RNF217: variants seen among roughly 807,000 people sequenced by gnomAD.
RNF217 encodes the protein E3 ubiquitin-protein ligase RNF217.
Under a neutral mutation model 57.8 loss-of-function variants are expected in RNF217, and 31 were observed. That is an observed-to-expected ratio of 0.54 (90% CI 0.40 to 0.72). The LOEUF (loss-of-function observed/expected upper bound fraction) is 0.72. Among genes scored for constraint, RNF217 ranks in the 30% least tolerant of loss-of-function variants. The pLI is 0.00. For synonymous variants in RNF217, 313 were observed against 294.0 expected (o/e 1.06, Z -0.66); for missense variants, 696 against 708.3 (o/e 0.98, Z 0.20).
intron 1 of RNF217, among the ~76,000 whole-genome samples, chr6:124,981,774 T>A (rs1784171261): frequency 6.6e-6 from 1 of 151,612 alleles, no homozygotes; most frequent in African/African-American, 2.4e-5. Flanking sequence ...ATCCCAGCAC[T>A]TTGGGAGGCC....
chr6:125,046,219 C>T (rs551945651), intron 2 of RNF217, among the ~76,000 whole-genome samples: 18 of 152,086 alleles, frequency 1.2e-4, no homozygotes, highest in African/African-American at 4.1e-4. Context: ...GGTGGAGAGT[C>T]GGGAGAGGCA....
Position 125,089,522 on chromosome 6 carries a change from A to G in RNF217, c.*6585A>G, listed in dbSNP as rs1480169178. 2.6e-5 allele frequency: 4 copies of G among 152,196 alleles called. No individual in the cohort carries two copies. The highest frequency in any genetic ancestry group is 5.9e-5 in the Non-Finnish European group (4 of 68,024). 9.4% of individuals were successfully genotyped at this position (152,196 alleles called of 1,614,324 possible). A position where few individuals can be genotyped will look rare whatever the true frequency, so the allele number is the denominator to read the frequency against. ...AATAATCTAAAGTAGGTCACATTGA[A>G]TGTAACTGATATTAACCCTATTCTA... is the stretch of plus-strand genomic sequence containing the variant. On this transcript the variant is annotated 3_prime_UTR_variant, in exon 6 of 6. Transcript: ENST00000521654.
intron 1 of RNF217, among the ~76,000 whole-genome samples, chr6:125,019,074 C>T (rs1238367612): frequency 4.6e-5 from 7 of 152,060 alleles, no homozygotes; most frequent in African/African-American, 1.4e-4. Flanking sequence ...GTAAAAAAGC[C>T]CGCTTGCCTC....
chr6:125,013,510 T>C (rs1785496012), intron 1 of RNF217, among the ~76,000 whole-genome samples: 1 of 149,702 alleles, frequency 6.7e-6, no homozygotes, highest in South Asian at 2.1e-4. Flanking sequence ...AGGGAGAAGG[T>C]CAAGCAGGTA....
intron 1 of RNF217, among the ~76,000 whole-genome samples, chr6:125,018,921 G>T (rs1378201613): frequency 2.0e-5 from 3 of 152,080 alleles, no homozygotes; most frequent in Non-Finnish European, 2.9e-5. Flanking sequence ...AGTCTCCCCG[G>T]ACTCCATTTG....
rs568166525 is a variant in RNF217 at position 125,091,088 on chromosome 6, T to C, written c.*8151T>C. ...CACTTTTTAGAGCAATCAACTTATT[T>C]CCAAATTATTATTTCATGCTGTTGT... On this transcript the variant is annotated 3_prime_UTR_variant, in exon 6 of 6. Coordinates refer to ENST00000521654, the MANE Select transcript of RNF217 (RefSeq NM_001286398.3). The C allele has an allele frequency of 6.6e-6, 1 of 152,234 alleles. No individual in the cohort carries two copies. Among genetic ancestry groups the C allele is most frequent in the South Asian group, 2.1e-4 (1 of 4,828 alleles). 9.4% of individuals were successfully genotyped at this position (152,234 alleles called of 1,614,324 possible). A position where few individuals can be genotyped will look rare whatever the true frequency, so the allele number is the denominator to read the frequency against.
chr6:125,071,013 T>G (rs1468234709), intron 3 of RNF217, among the ~76,000 whole-genome samples: 3 of 152,208 alleles, frequency 2.0e-5, no homozygotes, highest in Non-Finnish European at 4.4e-5. Context: ...ACTGTTATTC[T>G]TCTACCTTAT....
rs1158159732 is a variant in RNF217 at position 125,084,574 on chromosome 6, C to T, written c.*1637C>T. 1.3e-5 allele frequency: 2 copies of T among 151,794 alleles called. No homozygotes were observed. The highest frequency in any genetic ancestry group is 2.4e-5 in the African/African-American group (1 of 41,350). The allele number at this position is 151,794 out of a possible 1,614,324, so 9.4% of individuals were successfully genotyped here. On this transcript the variant is annotated 3_prime_UTR_variant, in exon 6 of 6. Transcript: ENST00000521654. ...TGAGTAGTTTATTTTTGTTGGGCTC[C>T]AGAGTGTAAGAATATTTTATTTTTT...
At chr6:125,045,180 T>C in intron 1 of RNF217, 31 bp from the exon 2 acceptor site, 2 of 1,464,874 alleles carry the variant, frequency 1.4e-6, no homozygotes, top group Non-Finnish European at 1.9e-6. Context: ...AGTGACGTTT[T>C]TTTCCTTCCA....
chr6:125,065,856 G>A (rs1239544086), intron 3 of RNF217, among the ~76,000 whole-genome samples: 2 of 152,130 alleles, frequency 1.3e-5, no homozygotes, highest in African/African-American at 2.4e-5. Flanking sequence ...AAGTTTTGGG[G>A]AACTGTGAGA....
intron 1 of RNF217, among the ~76,000 whole-genome samples, chr6:124,965,843 A>G (rs1025361906): frequency 6.6e-6 from 1 of 152,144 alleles, no homozygotes; most frequent in Admixed American, 6.5e-5. Flanking sequence ...TTTTCTCCAT[A>G]GCACTAACAT....
At chr6:124,989,292 T>C (rs961285061) in intron 1 of RNF217, among the ~76,000 whole-genome samples, 1 of 152,246 alleles carries the variant, frequency 6.6e-6, no homozygotes, top group Non-Finnish European at 1.5e-5. Flanking sequence ...ACAAAGTTAT[T>C]TGCCATGTAA....
At chr6:125,050,705 TG>T (rs1231913228) in intron 2 of RNF217, among the ~76,000 whole-genome samples, 1 of 151,754 alleles carries the variant, frequency 6.6e-6, no homozygotes, top group East Asian at 1.9e-4. Flanking sequence ...TATGCTGCTT[TG>T]TTCTGGTTTT....
At chr6:125,013,119 T>A (rs1045954732) in intron 1 of RNF217, among the ~76,000 whole-genome samples, 1 of 152,164 alleles carries the variant, frequency 6.6e-6, no homozygotes, top group Non-Finnish European at 1.5e-5. Context: ...AAACAATATA[T>A]TCACCTATTC....
chr6:125,079,518 T>C (rs1788499784), intron 4 of RNF217, among the ~76,000 whole-genome samples: 2 of 151,750 alleles, frequency 1.3e-5, no homozygotes, highest in Non-Finnish European at 2.9e-5. Flanking sequence ...AAATATTCAG[T>C]GTTACTAGCT....
At chr6:125,035,791 C>T (rs1786587753) in intron 1 of RNF217, among the ~76,000 whole-genome samples, 1 of 151,644 alleles carries the variant, frequency 6.6e-6, no homozygotes, top group Admixed American at 6.6e-5. Flanking sequence ...TTTATATTTA[C>T]AGTTACAGTC....
chr6:125,060,259 C>T (rs2114593904), intron 3 of RNF217, among the ~76,000 whole-genome samples: 1 of 151,854 alleles, frequency 6.6e-6, no homozygotes, highest in Admixed American at 6.6e-5. Context: ...TCACATAATG[C>T]CTCCAGGTAA....
chr6:124,989,696 A>C (rs990301415), intron 1 of RNF217, among the ~76,000 whole-genome samples: 1 of 151,964 alleles, frequency 6.6e-6, no homozygotes, highest in Non-Finnish European at 1.5e-5. Flanking sequence ...CTATTTAACC[A>C]TTTAGAAAGG....
intron 1 of RNF217, among the ~76,000 whole-genome samples, chr6:125,020,658 C>A (rs565346525): frequency 6.6e-6 from 1 of 152,018 alleles, no homozygotes; most frequent in East Asian, 1.9e-4. Flanking sequence ...TAGATAAAGG[C>A]GTATTGCTTT....
Sources: allele counts gnomAD v4.1 joint callset (sites outside exome capture counted in the v4.1 genomes callset), GRCh38; gene constraint gnomAD v4.1.1; transcripts MANE v1.5; gene names NCBI Gene and HGNC (gene_info 2026-07-23, HGNC 2026-07-21).